The following ATP10B variants were observed in gnomAD, a reference collection of about 807,000 sequenced individuals.
ATP10B encodes phospholipid-transporting ATPase VB.
Under a neutral mutation model 141.2 loss-of-function variants are expected in ATP10B, and 122 were observed. The observed-to-expected ratio is 0.86, with a 90% CI of 0.75 to 1.00. ATP10B has a LOEUF of 1.00. Among genes scored for constraint, ATP10B ranks in the 50% least tolerant of loss-of-function variants. ATP10B has a pLI of 0.00. For missense variants in ATP10B, 1,876 were observed against 1,825.3 expected (o/e 1.03, Z -0.51); for synonymous variants, 685 against 692.0 (o/e 0.99, Z 0.16).
At chr5:160,594,668 G>C (rs1415057904) in intron 22 of ATP10B, among the ~76,000 whole-genome samples, 6 of 150,950 alleles carry the variant, frequency 4.0e-5, no homozygotes, top group Non-Finnish European at 7.4e-5. Flanking sequence ...GACACACATA[G>C]GTTCAAAATA....
chr5:160,673,588 C>T (rs1762858137), intron 6 of ATP10B, among the ~76,000 whole-genome samples: 1 of 151,650 alleles, frequency 6.6e-6, no homozygotes, highest in Non-Finnish European at 1.5e-5. Flanking sequence ...CCCCAACCCT[C>T]ACTTTTATTT....
chr5:160,640,646 A>T (rs1759777747), intron 9 of ATP10B, 54 bp from the exon 10 acceptor site: 1 of 1,593,034 alleles, frequency 6.3e-7, no homozygotes, highest in Non-Finnish European at 8.6e-7. Context: ...CCTATGTCTT[A>T]CACCATTCCC....
At chr5:160,702,226 A>T (rs6879592) in intron 3 of ATP10B, among the ~76,000 whole-genome samples, 2 of 152,030 alleles carry the variant, frequency 1.3e-5, no homozygotes, top group Admixed American at 6.5e-5. Context: ...TATTTCTATT[A>T]TCTCATTTTA....
chr5:160,920,399 A>G, the ATP10B span, among the ~76,000 whole-genome samples: 1 of 152,224 alleles, frequency 6.6e-6, no homozygotes, highest in Admixed American at 6.5e-5. Flanking sequence ...AAATAAGAGC[A>G]TCTTTCCCAC....
intron 7 of ATP10B, among the ~76,000 whole-genome samples, chr5:160,660,536 C>T (rs1761838379): frequency 6.6e-6 from 1 of 152,194 alleles, no homozygotes; most frequent in Admixed American, 6.5e-5. Context: ...AGAGGAAAGA[C>T]TCAAAAACAT....
intron 13 of ATP10B, among the ~76,000 whole-genome samples, chr5:160,628,435 G>A (rs898844649): frequency 2.0e-5 from 3 of 152,254 alleles, no homozygotes; most frequent in Non-Finnish European, 2.9e-5. Flanking sequence ...CTTACAGTGG[G>A]AGTGTGTGTA....
At chr5:160,651,318 T>A (rs73818278) in intron 7 of ATP10B, among the ~76,000 whole-genome samples, 3,399 of 152,158 alleles carry the variant, frequency 0.022, 120 homozygotes, top group African/African-American at 0.078. Flanking sequence ...GTATTTTTTT[T>A]AAAGGCATTT....
chr5:160,653,009 A>G (rs548269300), intron 7 of ATP10B, among the ~76,000 whole-genome samples: 4 of 107,168 alleles, frequency 3.7e-5, no homozygotes, highest in African/African-American at 1.4e-4. Context: ...TATATTATAT[A>G]TATTTATATT....
chr5:160,583,674 T>C (rs1419106210), intron 24 of ATP10B, among the ~76,000 whole-genome samples: 2 of 152,196 alleles, frequency 1.3e-5, no homozygotes, highest in Non-Finnish European at 2.9e-5. Flanking sequence ...AGGGGAGTTT[T>C]ATCTATAAGC....
the ATP10B span, among the ~76,000 whole-genome samples, chr5:160,920,076 T>C: frequency 6.6e-6 from 1 of 152,116 alleles, no homozygotes; most frequent in Non-Finnish European, 1.5e-5. Context: ...TAAGCAAATG[T>C]GAAGGGAAGG....
At chr5:160,873,070 T>C in the ATP10B span, among the ~76,000 whole-genome samples, 3 of 151,910 alleles carry the variant, frequency 2.0e-5, no homozygotes, top group African/African-American at 7.2e-5. Context: ...TTGTAGTTTT[T>C]CTTGTAGCGG....
At chr5:160,663,459 A>G (rs1762085831) in intron 7 of ATP10B, among the ~76,000 whole-genome samples, 1 of 152,212 alleles carries the variant, frequency 6.6e-6, no homozygotes, top group Non-Finnish European at 1.5e-5. Flanking sequence ...CTATGCAGCC[A>G]TAAAAAATGA....
intron 10 of ATP10B, among the ~76,000 whole-genome samples, chr5:160,637,511 AG>A (rs1759508401): frequency 6.6e-6 from 1 of 152,224 alleles, no homozygotes; most frequent in South Asian, 2.1e-4. Flanking sequence ...AGCAGAGCCT[AG>A]AATGCTGTGA....
intron 25 of ATP10B, 125 bp downstream of exon 25, chr5:160,569,371 G>T: frequency 1.1e-6 from 1 of 929,212 alleles, no homozygotes; most frequent in Non-Finnish European, 1.6e-6. Context: ...CCATCTCTCT[G>T]TTTCTGAAAC....
intron 1 of ATP10B, among the ~76,000 whole-genome samples, chr5:160,792,782 C>T (rs914269276): frequency 7.2e-5 from 11 of 152,166 alleles, no homozygotes; most frequent in African/African-American, 2.7e-4. Flanking sequence ...CTCAATTCAT[C>T]CACATGATCA....
intron 18 of ATP10B, among the ~76,000 whole-genome samples, chr5:160,608,346 T>A (rs953187870): frequency 7.2e-5 from 11 of 152,228 alleles, no homozygotes; most frequent in African/African-American, 1.7e-4. Context: ...ACATTTGGGT[T>A]GGTTCCAGGT....
intron 13 of ATP10B, among the ~76,000 whole-genome samples, chr5:160,624,899 C>T (rs1410019436): frequency 2.0e-5 from 3 of 152,206 alleles, no homozygotes; most frequent in Non-Finnish European, 4.4e-5. Context: ...TCTCTGCAAA[C>T]TTCTAAAACC....
intron 1 of ATP10B, among the ~76,000 whole-genome samples, chr5:160,807,755 A>G (rs1335648720): frequency 6.6e-6 from 1 of 152,214 alleles, no homozygotes; most frequent in Non-Finnish European, 1.5e-5. Context: ...TTCTTTTTAA[A>G]TGTGATAATG....
intron 1 of ATP10B, among the ~76,000 whole-genome samples, chr5:160,816,059 A>T (rs527348021): frequency 6.6e-6 from 1 of 152,142 alleles, no homozygotes; most frequent in South Asian, 2.1e-4. Context: ...AAGAGAAAGC[A>T]TGAAAGATCT....
Sources: gnomAD v4.1 joint callset for allele counts (sites outside exome capture counted in the v4.1 genomes callset) on GRCh38, gnomAD v4.1.1 for gene constraint, MANE v1.5 for transcripts, NCBI Gene and HGNC (gene_info 2026-07-23, HGNC 2026-07-21) for gene names.